Variants in ZFC3H1 observed in about 807,000 individuals in gnomAD.
ZFC3H1 encodes the protein zinc finger C3H1 domain-containing protein.
Under a neutral mutation model 243.7 loss-of-function variants are expected in ZFC3H1, and 71 were observed. The ratio of observed to expected loss-of-function variants is 0.29; its 90% CI spans 0.24 to 0.36. The LOEUF (loss-of-function observed/expected upper bound fraction) is 0.36. Ranked by LOEUF, ZFC3H1 falls within the 10% of genes least tolerant of loss-of-function variation. ZFC3H1 has a pLI of 1.00. For missense variants in ZFC3H1, 1,966 were observed against 2,317.1 expected (o/e 0.85, Z 3.11); for synonymous variants, 838 against 813.0 (o/e 1.03, Z -0.52).
chr12:71,635,899 A>T (rs1017944547), intron 9 of ZFC3H1, among the ~76,000 whole-genome samples: 2 of 152,194 alleles, frequency 1.3e-5, no homozygotes, highest in Non-Finnish European at 1.5e-5. Flanking sequence ...TTTACATAAT[A>T]ATTATCAAAA....
chr12:71,633,334 G>A lies in ZFC3H1; in HGVS notation c.2615C>T (p.Thr872Ile), dbSNP rs1368390875. 6.2e-7 allele frequency: 1 copy of A among 1,602,748 alleles called. No individual in the cohort carries two copies. Residue 872 changes from threonine to isoleucine, a missense_variant, in exon 13 of 35, where the codon ACA becomes ATA. By Grantham distance (89) the Thr-to-Ile change is moderately conservative (BLOSUM62 -1). Transcript: ENST00000378743. ...RNAEAKITKL[T>I]EQLQATEKIL... Reference sequence around the variant, plus strand: ...TTTTTCAGTTGCTTGAAGCTGTTCTGTAAGTTTTGTAATCTTTGCTTCAGC... The same window carrying A: ...TTTTTCAGTTGCTTGAAGCTGTTCTATAAGTTTTGTAATCTTTGCTTCAGC...
chr12:71,660,472 C>T (rs1592606158), intron 1 of ZFC3H1: 2 of 150,374 alleles, frequency 1.3e-5, no homozygotes, highest in Middle Eastern at 7.0e-3. Context: ...TGACAAGTTA[C>T]TACGGAAATC....
intron 19 of ZFC3H1, among the ~76,000 whole-genome samples, chr12:71,629,356 G>A (rs1030165672): frequency 5.3e-5 from 8 of 151,796 alleles, no homozygotes; most frequent in African/African-American, 7.2e-5. Context: ...TAGTAGAGAC[G>A]GGGTTTCACC....
intron 7 of ZFC3H1, among the ~76,000 whole-genome samples, chr12:71,637,653 T>C (rs1224813075): frequency 6.6e-6 from 1 of 152,204 alleles, no homozygotes; most frequent in Non-Finnish European, 1.5e-5. Context: ...TGGCATTTAG[T>C]TCATTTATTC....
At position 71,626,449 on chromosome 12, in the gene ZFC3H1, GTA is replaced by G. The variant is rs767968014; in HGVS notation, c.4131-5_4131-4del. 7.5e-6 allele frequency: 12 copies of G among 1,595,060 alleles called. No homozygotes were observed. In the African/African-American group the frequency reaches 1.5e-4, roughly 20 times the overall value. ...AATCCAAGGATTCTGAGCACTCCCTGTATATATAAAAGAAAAGGTGGAAGTGC... is the reference window on the plus strand; with the variant it reads ...AATCCAAGGATTCTGAGCACTCCCTGTATATAAAAGAAAAGGTGGAAGTGC... On this transcript the variant is annotated splice_region_variant and splice_polypyrimidine_tract_variant and intron_variant, in intron 21 of 34. Transcript: ENST00000378743.
At chr12:71,657,584 A>G (rs1881053445) in intron 1 of ZFC3H1, among the ~76,000 whole-genome samples, 1 of 152,256 alleles carries the variant, frequency 6.6e-6, no homozygotes, top group African/African-American at 2.4e-5. Flanking sequence ...TAGTTAGGTT[A>G]TAGCATCATT....
chr12:71,640,408 C>A (rs1206542089), intron 6 of ZFC3H1, among the ~76,000 whole-genome samples: 1 of 152,268 alleles, frequency 6.6e-6, no homozygotes, highest in African/African-American at 2.4e-5. Flanking sequence ...ACCAGGTGGA[C>A]TGGCCCCAGC....
chr12:71,621,409 T>A (rs924763506), intron 24 of ZFC3H1, among the ~76,000 whole-genome samples: 1 of 151,900 alleles, frequency 6.6e-6, no homozygotes, highest in Non-Finnish European at 1.5e-5. Flanking sequence ...GTTCAGGCAA[T>A]TATCCTGCCT....
intron 2 of ZFC3H1, among the ~76,000 whole-genome samples, chr12:71,650,377 G>A (rs1013343284): frequency 6.6e-6 from 1 of 151,940 alleles, no homozygotes; most frequent in Non-Finnish European, 1.5e-5. Context: ...TGATCAAATG[G>A]GTAGCTAGAC....
At chr12:71,638,661 T>C in intron 6 of ZFC3H1, 146 bp from the exon 7 acceptor site, 1 of 637,994 alleles carries the variant, frequency 1.6e-6, no homozygotes, top group East Asian at 3.0e-5. Context: ...AAACCCCTCA[T>C]GAGTCCACCT....
At position 71,623,471 on chromosome 12, in the gene ZFC3H1, G is replaced by A. The variant is rs1211006208; in HGVS notation, c.4633C>T (p.Pro1545Ser). 1 of 1,613,758 alleles carries A rather than the reference G, an allele frequency of 6.2e-7. No homozygotes were observed. Among genetic ancestry groups the A allele is most frequent in the Non-Finnish European group, 8.5e-7 (1 of 1,179,842 alleles). Residue 1545 changes from proline (P) to serine (S), a missense_variant, in exon 24 of 35, where the codon CCA (proline) becomes TCA (serine). Around this residue, in one of 4 missense-constraint regions of ZFC3H1, gnomAD observed 1,383 missense variants for 1,723.7 expected, o/e 0.80. Coordinates refer to ENST00000378743, the MANE Select transcript of ZFC3H1 (RefSeq NM_144982.5). ...FNILPSKFYD[P>S]SNDNPSRIVN... ...ATTCTTGAAGGATTATCATTAGATG[G>A]ATCATAAAATTTTGAAGGGAGAATG...
At chr12:71,615,961 A>G (rs1455479553) in intron 27 of ZFC3H1, among the ~76,000 whole-genome samples, 1 of 152,134 alleles carries the variant, frequency 6.6e-6, no homozygotes, top group African/African-American at 2.4e-5. Flanking sequence ...AGTATCTGAA[A>G]TTTTCCAATG....
chr12:71,611,939 C>A (rs929473288), intron 31 of ZFC3H1, 52 bp from the exon 32 acceptor site: 3 of 1,129,422 alleles, frequency 2.7e-6, no homozygotes, highest in African/African-American at 1.6e-5. Flanking sequence ...GTAACGAACC[C>A]CAAATGTGCT....
chr12:71,610,591 G>GT (rs755730438), intron 34 of ZFC3H1, 26 bp from the exon 35 acceptor site: 9 of 1,612,726 alleles, frequency 5.6e-6, no homozygotes, highest in South Asian at 1.1e-5. Context: ...AAGCATAGAA[G>GT]TAAGACTTAG....
Position 71,634,274 on chromosome 12 carries a change from A to G in ZFC3H1, c.2391T>C (p.Asp797=). Residue 797 remains aspartate, a synonymous_variant, in exon 12 of 35, where the codon GAT becomes GAC. Coordinates refer to ENST00000378743, the MANE Select transcript of ZFC3H1 (RefSeq NM_144982.5). ...NREKQRLIKS[D]QLKTSSSSPA... ...GGGATGATGAACTTGTCTTCAGCTGATCTGATTTAATCAAACGCTGTTTCT... is the reference window on the plus strand; with the variant it reads ...GGGATGATGAACTTGTCTTCAGCTGGTCTGATTTAATCAAACGCTGTTTCT... 1.2e-6 allele frequency: 2 copies of G among 1,613,902 alleles called. No homozygotes were observed. Among genetic ancestry groups the G allele is most frequent in the Non-Finnish European group, 1.7e-6 (2 of 1,179,950 alleles).
At position 71,632,358 on chromosome 12, in the gene ZFC3H1, T is replaced by C. The variant is rs1055344101; in HGVS notation, c.2974A>G (p.Lys992Glu). 12 of 1,613,608 alleles carry C rather than the reference T, an allele frequency of 7.4e-6. No homozygotes were observed. In the Admixed American group the frequency reaches 1.8e-4, roughly 25 times the overall value. ...KLKEARALKA[K>E]EQQNISPVVE... ...ACTGGAGAGATATTTTGTTGTTCCT[T>C]TGCTTTAAGGGCACGGGCTTCTTTT... The change falls in exon 15 of 35, where the codon AAG (lysine) becomes GAG (glutamate). Residue 992 changes from lysine to glutamate, a missense_variant. By Grantham distance (56) the Lys-to-Glu change is moderately conservative. This residue lies in a region of ZFC3H1 where 1,383 missense variants were observed against 1,723.7 expected (regional missense o/e 0.80). Coordinates refer to ENST00000378743, the MANE Select transcript of ZFC3H1 (RefSeq NM_144982.5).
intron 2 of ZFC3H1, among the ~76,000 whole-genome samples, chr12:71,654,621 T>C (rs1050129884): frequency 1.3e-5 from 2 of 151,852 alleles, no homozygotes; most frequent in African/African-American, 4.8e-5. Flanking sequence ...GACCAGAAAT[T>C]TAGTATCCAA....
At chr12:71,650,537 G>A (rs1227484210) in intron 2 of ZFC3H1, among the ~76,000 whole-genome samples, 2 of 152,108 alleles carry the variant, frequency 1.3e-5, no homozygotes, top group South Asian at 4.1e-4. Context: ...CACACAGGTA[G>A]TAGTTAAAAC....
chr12:71,628,007 G>A (rs1218618665), intron 20 of ZFC3H1, 73 bp from the exon 21 acceptor site: 6 of 1,425,212 alleles, frequency 4.2e-6, no homozygotes, highest in Non-Finnish European at 5.7e-6. Context: ...AAAACAATTG[G>A]TCTCATCTTT....
Sources: allele counts gnomAD v4.1 joint callset (sites outside exome capture counted in the v4.1 genomes callset), GRCh38; gene constraint gnomAD v4.1.1; regional missense constraint gnomAD v4.1.1; transcripts MANE v1.5; gene names NCBI Gene and HGNC (gene_info 2026-07-23, HGNC 2026-07-21).